TMEM132D: variants seen among roughly 807,000 people sequenced by gnomAD.
The protein encoded by TMEM132D is transmembrane protein 132D, also known as mature OL transmembrane protein.
In TMEM132D, 21 loss-of-function variants were observed where a neutral mutation model predicts 62.3. That is an observed-to-expected ratio of 0.34 (90% CI 0.24 to 0.49). TMEM132D has a LOEUF of 0.49. Ranked by LOEUF, TMEM132D falls within the 20% of genes least tolerant of loss-of-function variation. The pLI, the probability that TMEM132D is intolerant of heterozygous loss-of-function variation, is 0.99. For synonymous variants in TMEM132D, 621 were observed against 575.6 expected, an observed-to-expected ratio of 1.08 and a Z score of -1.13; for missense variants, 1,346 against 1,402.8, an observed-to-expected ratio of 0.96 and a Z score of 0.65.
chr12:129,234,973 A>G (rs1044655668), intron 4 of TMEM132D, among the ~76,000 whole-genome samples: 5 of 152,222 alleles, frequency 3.3e-5, no homozygotes, highest in African/African-American at 9.6e-5. Context: ...TGCTTAAGCC[A>G]TATTTGAGAC....
At chr12:129,141,942 A>C (rs1365879749) in intron 5 of TMEM132D, among the ~76,000 whole-genome samples, 1 of 149,700 alleles carries the variant, frequency 6.7e-6, no homozygotes, top group Non-Finnish European at 1.5e-5. Context: ...TACTAAAAAA[A>C]CCCCAAAACT....
At chr12:129,092,503 C>T (rs183750349) in intron 5 of TMEM132D, among the ~76,000 whole-genome samples, 32 of 152,020 alleles carry the variant, frequency 2.1e-4, no homozygotes, top group African/African-American at 7.0e-4. Flanking sequence ...GCGACCAGCC[C>T]GGCCAACATG....
chr12:129,809,685 GT>G (rs1362836564), intron 1 of TMEM132D, among the ~76,000 whole-genome samples: 1 of 152,190 alleles, frequency 6.6e-6, no homozygotes, highest in African/African-American at 2.4e-5. Flanking sequence ...GTACATGTTT[GT>G]TTTTTTAAAA....
At chr12:129,637,860 G>T (rs763821905) in intron 2 of TMEM132D, among the ~76,000 whole-genome samples, 2 of 152,090 alleles carry the variant, frequency 1.3e-5, no homozygotes, top group Non-Finnish European at 2.9e-5. Context: ...CACCAGATCT[G>T]GTTAGAACTC....
At chr12:129,260,938 A>G (rs1880534204) in intron 4 of TMEM132D, among the ~76,000 whole-genome samples, 1 of 152,142 alleles carries the variant, frequency 6.6e-6, no homozygotes, top group Non-Finnish European at 1.5e-5. Flanking sequence ...TTAGTTCCAT[A>G]TCTTTGCAAT....
chr12:129,287,590 A>T (rs1881336199), intron 4 of TMEM132D, among the ~76,000 whole-genome samples: 1 of 152,216 alleles, frequency 6.6e-6, no homozygotes. Context: ...CATAGGGAAA[A>T]TAGGAACCTT....
At chr12:129,407,305 T>C (rs1443039878) in intron 3 of TMEM132D, among the ~76,000 whole-genome samples, 2 of 152,104 alleles carry the variant, frequency 1.3e-5, no homozygotes, top group Non-Finnish European at 2.9e-5. Flanking sequence ...ACCTTTAAAA[T>C]ACAACACAAC....
intron 3 of TMEM132D, among the ~76,000 whole-genome samples, chr12:129,522,172 T>C (rs1875868414): frequency 6.6e-6 from 1 of 152,196 alleles, no homozygotes; most frequent in Admixed American, 6.5e-5. Context: ...CTTACACTGA[T>C]TGACACACAT....
intron 4 of TMEM132D, among the ~76,000 whole-genome samples, chr12:129,269,576 C>T (rs1217109801): frequency 2.0e-5 from 3 of 152,128 alleles, no homozygotes; most frequent in Admixed American, 6.5e-5. Context: ...ATGTGAGGTA[C>T]GTTCACGGAG....
chr12:129,525,254 T>TG (rs1875994306), intron 3 of TMEM132D, among the ~76,000 whole-genome samples: 1 of 121,876 alleles, frequency 8.2e-6, no homozygotes, highest in Non-Finnish European at 1.8e-5. Context: ...TTTTTTTTTT[T>TG]TGCTAATATA....
chr12:129,329,013 C>A (rs1056205992), intron 4 of TMEM132D, among the ~76,000 whole-genome samples: 4 of 147,352 alleles, frequency 2.7e-5, no homozygotes, highest in South Asian at 2.1e-4. Context: ...TATATATAAA[C>A]AATTTATATA....
rs372395463 is a variant in TMEM132D at position 129,735,663 on chromosome 12, GA to G, written c.80-34966del. On this transcript the variant is annotated intron_variant, in intron 1 of 8. Coordinates refer to ENST00000422113, the MANE Select transcript of TMEM132D (RefSeq NM_133448.3). ...GAGTGCAAAAAGGTAAAAAGCCATAGAAAAAAAGAGCAAATGCTGTAAGCCA... is the reference window on the plus strand; with the variant it reads ...GAGTGCAAAAAGGTAAAAAGCCATAGAAAAAAGAGCAAATGCTGTAAGCCA... Among the ~76,000 whole-genome samples, 1,259 of 152,100 alleles carry G rather than the reference GA, an allele frequency of 8.3e-3. 13 individuals carry two copies. The highest frequency in any genetic ancestry group is 0.029 in the African/African-American group (1,215 of 41,518).
intron 2 of TMEM132D, among the ~76,000 whole-genome samples, chr12:129,563,391 G>C (rs1009106685): frequency 6.6e-6 from 1 of 152,148 alleles, no homozygotes; most frequent in Non-Finnish European, 1.5e-5. Context: ...GTGTGCACCT[G>C]TGCATAGCTG....
intron 3 of TMEM132D, among the ~76,000 whole-genome samples, chr12:129,356,806 A>G (rs1870070564): frequency 6.6e-6 from 1 of 151,642 alleles, no homozygotes; most frequent in Non-Finnish European, 1.5e-5. Flanking sequence ...TCAAGGCAGC[A>G]GTGAGCTGAG....
At chr12:129,271,008 G>A (rs1194216886) in intron 4 of TMEM132D, among the ~76,000 whole-genome samples, 1 of 152,216 alleles carries the variant, frequency 6.6e-6, no homozygotes, top group East Asian at 1.9e-4. Context: ...CTGCCTCAAA[G>A]GCGTTATTGT....
chr12:129,194,655 G>A (rs1878497811), intron 5 of TMEM132D, among the ~76,000 whole-genome samples: 1 of 152,158 alleles, frequency 6.6e-6, no homozygotes, highest in Non-Finnish European at 1.5e-5. Context: ...TTCAGCTCTT[G>A]AAACTTCTGC....
chr12:129,659,075 T>G lies in TMEM132D; in HGVS notation c.968+40735A>C, dbSNP rs112696990. ...ATAACAATACATGGCTAATTTTTTT[T>G]TTGTTGTTTGTTTGTTTGTAGGGAT... On this transcript the variant is annotated intron_variant, in intron 2 of 8. Transcript: ENST00000422113. Among the ~76,000 whole-genome samples, 540 of 152,032 alleles carry G rather than the reference T, an allele frequency of 3.6e-3. 4 individuals carry two copies. Among genetic ancestry groups the G allele is most frequent in the African/African-American group, 8.9e-3 (369 of 41,446 alleles).
intron 1 of TMEM132D, among the ~76,000 whole-genome samples, chr12:129,809,232 C>G (rs1488414890): frequency 1.3e-5 from 2 of 150,878 alleles, no homozygotes; most frequent in African/African-American, 4.9e-5. Flanking sequence ...CGCTTGAACC[C>G]AGGAGGCAGA....
chr12:129,675,361 C>G (rs553623663), intron 2 of TMEM132D, among the ~76,000 whole-genome samples: 36 of 125,730 alleles, frequency 2.9e-4, no homozygotes, highest in African/African-American at 8.6e-4. Flanking sequence ...CATCACACAC[C>G]GGGGCCTGTC....
Sources: gnomAD v4.1 joint callset for allele counts (sites outside exome capture counted in the v4.1 genomes callset) on GRCh38, gnomAD v4.1.1 for gene constraint, MANE v1.5 for transcripts, NCBI Gene and HGNC (gene_info 2026-07-23, HGNC 2026-07-21) for gene names.